The following FHDC1 variants were observed in gnomAD, a reference collection of about 807,000 sequenced individuals.
FHDC1 encodes the protein FH2 domain-containing protein 1.
A neutral mutation model predicts 52.6 loss-of-function variants in FHDC1; 25 were observed. The observed-to-expected ratio is 0.48, with a 90% CI of 0.35 to 0.66. The LOEUF is 0.66. FHDC1 is among the 30% of genes least tolerant of loss of function. FHDC1 has a pLI of 0.01. For synonymous variants in FHDC1, 616 were observed against 581.5 expected (o/e 1.06, Z -0.85); for missense variants, 1,459 against 1,452.8 (o/e 1.00, Z -0.07).
intron 9 of FHDC1, among the ~76,000 whole-genome samples, chr4:152,966,014 C>T (rs1318517398): frequency 1.3e-5 from 2 of 152,158 alleles, no homozygotes; most frequent in East Asian, 3.8e-4. Flanking sequence ...GTTTATAATT[C>T]ATGTTTACAG....
At chr4:152,954,132 G>A in intron 3 of FHDC1, 85 bp from the exon 4 acceptor site, 4 of 1,144,848 alleles carry the variant, frequency 3.5e-6, no homozygotes, top group South Asian at 1.3e-5. Context: ...GAAGGAGGGT[G>A]GAGGAGATTT....
rs550916558 is a variant in FHDC1 at position 152,979,467 on chromosome 4, A to T, written c.*2744A>T. 1 of 152,360 alleles carries T rather than the reference A, an allele frequency of 6.6e-6. No homozygotes were observed. The highest frequency in any genetic ancestry group is 1.9e-4 in the East Asian group (1 of 5,188). 9.4% of individuals were successfully genotyped at this position (152,360 alleles called of 1,614,324 possible). Reference sequence around the variant, plus strand: ...TGGTGCTTTACTTAGCCCTGTGGACAACTTCTCTATGCATCTGTGTGAGCA... The same window carrying T: ...TGGTGCTTTACTTAGCCCTGTGGACTACTTCTCTATGCATCTGTGTGAGCA... On this transcript the variant is annotated 3_prime_UTR_variant, in exon 12 of 12. Coordinates refer to ENST00000511601, the MANE Select transcript of FHDC1 (RefSeq NM_001371116.1).
the FHDC1 span, among the ~76,000 whole-genome samples, chr4:152,921,246 C>CT: frequency 3.3e-5 from 5 of 151,600 alleles, no homozygotes; most frequent in Non-Finnish European, 5.9e-5. Flanking sequence ...GAACACATTT[C>CT]TTTTTTAGAA....
chr4:152,955,823 T>G (rs1740067300), intron 4 of FHDC1, among the ~76,000 whole-genome samples: 1 of 152,224 alleles, frequency 6.6e-6, no homozygotes, highest in African/African-American at 2.4e-5. Context: ...TATGTTATCC[T>G]TTTCACAGGC....
chr4:152,973,282 C>A (rs150843658), intron 11 of FHDC1, among the ~76,000 whole-genome samples: 1 of 152,236 alleles, frequency 6.6e-6, no homozygotes, highest in Non-Finnish European at 1.5e-5. Context: ...CATCTCTCCC[C>A]CTCCAGTTGG....
intron 2 of FHDC1, 128 bp downstream of exon 2, chr4:152,943,683 G>C: frequency 1.8e-6 from 2 of 1,130,948 alleles, no homozygotes; most frequent in Non-Finnish European, 2.5e-6. Context: ...ATCTGCCTTG[G>C]AAATGCTAGG....
chr4:152,938,867 C>T (rs1470005538), intron 1 of FHDC1, among the ~76,000 whole-genome samples: 1 of 152,018 alleles, frequency 6.6e-6, no homozygotes, highest in Non-Finnish European at 1.5e-5. Context: ...AGCACCAGGA[C>T]CGCTGGTGCA....
At chr4:152,935,254 C>G (rs1739328992), upstream of FHDC1, among the ~76,000 whole-genome samples, 1 of 152,096 alleles carries the variant, frequency 6.6e-6, no homozygotes, top group African/African-American at 2.4e-5. Flanking sequence ...GACTGAGGAC[C>G]AGGATGGAGG....
At chr4:152,933,883 T>C (rs1221078006), upstream of FHDC1, among the ~76,000 whole-genome samples, 1 of 152,002 alleles carries the variant, frequency 6.6e-6, no homozygotes, top group Non-Finnish European at 1.5e-5. Context: ...CTTCTTCCTG[T>C]AGGAGCACAT....
rs776970949 is a variant in FHDC1, at chr4:152,962,777, G to A, written c.851-37G>A. ...GTCTTTTGTGCATTTGAAACTGAAG[G>A]CATCTCTAAGGTGCTGTGATGTGTT... is the stretch of plus-strand genomic sequence containing the variant. On this transcript the variant is annotated intron_variant, in intron 6 of 11. Transcript: ENST00000511601. 4 of 1,554,124 alleles carry A rather than the reference G, an allele frequency of 2.6e-6. No homozygotes were observed. In the East Asian group the frequency reaches 9.0e-5, roughly 35 times the overall value.
chr4:152,911,500 G>A, the FHDC1 span: 6 of 152,276 alleles, frequency 3.9e-5, no homozygotes, highest in Non-Finnish European at 8.8e-5. Context: ...TCCACTACAT[G>A]GTTCTATCAG....
intron 2 of FHDC1, among the ~76,000 whole-genome samples, chr4:152,948,439 G>A (rs57394072): frequency 0.023 from 3,507 of 152,082 alleles, 84 homozygotes; most frequent in African/African-American, 0.065. Flanking sequence ...AGAGGGGAAT[G>A]GAGAGTTAAT....
At chr4:152,926,200 AAAAC>A in the FHDC1 span, among the ~76,000 whole-genome samples, 34 of 152,000 alleles carry the variant, frequency 2.2e-4, no homozygotes, top group East Asian at 1.7e-3. Flanking sequence ...AAACTTGATA[AAAAC>A]AAACAAACCA....
the FHDC1 span, among the ~76,000 whole-genome samples, chr4:152,919,998 A>G: frequency 8.7e-6 from 1 of 114,678 alleles, no homozygotes; most frequent in Admixed American, 1.3e-4. Context: ...CCGAGGTTGG[A>G]GTGCAGTGGC....
At chr4:152,917,683 GAA>G in the FHDC1 span, among the ~76,000 whole-genome samples, 2 of 151,068 alleles carry the variant, frequency 1.3e-5, no homozygotes, top group Non-Finnish European at 3.0e-5. Context: ...AAGTGAGTTA[GAA>G]AAAAAAAATG....
the FHDC1 span, among the ~76,000 whole-genome samples, chr4:152,913,237 C>G: frequency 1.2e-3 from 185 of 152,288 alleles, no homozygotes; most frequent in African/African-American, 4.2e-3. Context: ...TCCATCTCCC[C>G]GCAAATGGCT....
chr4:152,978,798 C>T lies in FHDC1; in HGVS notation c.*2075C>T, dbSNP rs1740988533. The T allele has an allele frequency of 6.6e-6, 1 of 152,140 alleles. No individual in the cohort carries two copies. Among genetic ancestry groups the T allele is most frequent in the Non-Finnish European group, 1.5e-5 (1 of 68,034 alleles). The allele number at this position is 152,140 out of a possible 1,614,324, so 9.4% of individuals were successfully genotyped here. A position where few individuals can be genotyped will look rare whatever the true frequency, so the allele number is the denominator to read the frequency against. ...GAACCTCCCTTCTGCAGACTGTTGC[C>T]TGTCATCTAAGCGAATTGGAAATGC... is the stretch of plus-strand genomic sequence containing the variant. On this transcript the variant is annotated 3_prime_UTR_variant, in exon 12 of 12. Transcript: ENST00000511601.
At chr4:152,913,830 G>A in the FHDC1 span, among the ~76,000 whole-genome samples, 8 of 152,168 alleles carry the variant, frequency 5.3e-5, no homozygotes, top group African/African-American at 1.4e-4. Context: ...ACAGGCATGC[G>A]CCACCACGCC....
intron 1 of FHDC1, among the ~76,000 whole-genome samples, chr4:152,941,366 G>A (rs1739568187): frequency 6.6e-6 from 1 of 152,186 alleles, no homozygotes; most frequent in Admixed American, 6.5e-5. Context: ...TAAAGCAAAT[G>A]TAATGCCTGT....
Sources: allele counts gnomAD v4.1 joint callset (sites outside exome capture counted in the v4.1 genomes callset), GRCh38; gene constraint gnomAD v4.1.1; transcripts MANE v1.5; gene names NCBI Gene and HGNC (gene_info 2026-07-23, HGNC 2026-07-21).